WTAP: variants seen among roughly 807,000 people sequenced by gnomAD.
WTAP encodes WT1 associated protein.
Under a neutral mutation model 50.0 loss-of-function variants are expected in WTAP, and 8 were observed. The ratio of observed to expected loss-of-function variants is 0.16; its 90% CI spans 0.09 to 0.29. The LOEUF (loss-of-function observed/expected upper bound fraction) is 0.29. Among genes scored for constraint, WTAP ranks in the 10% least tolerant of loss-of-function variants. The pLI is 1.00. For synonymous variants in WTAP, 194 were observed against 169.0 expected, an observed-to-expected ratio of 1.15 and a Z score of -1.15; for missense variants, 295 against 470.7, an observed-to-expected ratio of 0.63 and a Z score of 3.45.
At chr6:159,735,710 C>G (rs143752329) in intron 1 of WTAP, among the ~76,000 whole-genome samples, 1 of 152,120 alleles carries the variant, frequency 6.6e-6, no homozygotes, top group African/African-American at 2.4e-5. Context: ...GATCGCGCCA[C>G]TGCACTCCAT....
chr6:159,732,092 G>A (rs1778607041), intron 1 of WTAP, among the ~76,000 whole-genome samples: 1 of 152,102 alleles, frequency 6.6e-6, no homozygotes, highest in Non-Finnish European at 1.5e-5. Flanking sequence ...TCTGCCCTTT[G>A]CATACTCAGG....
intron 4 of WTAP, among the ~76,000 whole-genome samples, chr6:159,742,952 G>A (rs975576399): frequency 2.0e-5 from 3 of 152,064 alleles, no homozygotes; most frequent in Admixed American, 6.5e-5. Context: ...GCTGCAGTGA[G>A]CCCTGATTGT....
In WTAP at chr6:159,736,247, T is replaced by C. The variant is rs1422692984; in HGVS notation, c.-8-11T>C. ...TAAATTGAACTTGTTTTCCGCAACT[T>C]TTTTTTTTAGGATTCAAGATGACCA... On this transcript the variant is annotated splice_polypyrimidine_tract_variant and intron_variant, in intron 1 of 7. Coordinates refer to ENST00000621533, the MANE Select transcript of WTAP (RefSeq NM_001270531.2). The C allele has an allele frequency of 1.9e-6, 3 of 1,588,108 alleles. No homozygotes were observed. The highest frequency in any genetic ancestry group is 3.5e-5 in the Admixed American group (2 of 57,780).
intron 3 of WTAP, among the ~76,000 whole-genome samples, chr6:159,741,176 C>G (rs1466651448): frequency 6.6e-6 from 1 of 151,954 alleles, no homozygotes; most frequent in Non-Finnish European, 1.5e-5. Context: ...CCTAATAAGA[C>G]TAGGAAAAAT....
At chr6:159,749,649 G>A (rs1779751754) in intron 6 of WTAP, among the ~76,000 whole-genome samples, 1 of 152,124 alleles carries the variant, frequency 6.6e-6, no homozygotes, top group Admixed American at 6.5e-5. Context: ...CTTTGTCCCA[G>A]GGTATTGCAG....
intron 3 of WTAP, among the ~76,000 whole-genome samples, chr6:159,739,823 CCTTTTTTTTTTTTT>C (rs1779135992): frequency 2.7e-5 from 3 of 109,280 alleles, no homozygotes; most frequent in East Asian, 3.3e-4. Context: ...ACACTTTTTA[CCTTTTTTTTTTTTT>C]TTTTTTTTTT....
intron 5 of WTAP, among the ~76,000 whole-genome samples, chr6:159,744,200 G>A (rs1365931061): frequency 1.3e-5 from 2 of 152,098 alleles, no homozygotes; most frequent in Non-Finnish European, 2.9e-5. Flanking sequence ...TTTTCCTAGT[G>A]TCAGCAACCT....
intron 1 of WTAP, among the ~76,000 whole-genome samples, chr6:159,733,296 T>C (rs895749415): frequency 6.6e-6 from 1 of 152,196 alleles, no homozygotes; most frequent in Admixed American, 6.5e-5. Context: ...GAGGTTTTTA[T>C]CTGTTTGCTG....
At chr6:159,751,384 G>A (rs372335007) in intron 6 of WTAP, among the ~76,000 whole-genome samples, 6 of 152,294 alleles carry the variant, frequency 3.9e-5, no homozygotes, top group South Asian at 2.1e-4. Flanking sequence ...TAGTAAGAAG[G>A]TTAGTTGTAA....
chr6:159,734,938 T>C (rs1192912142), intron 1 of WTAP, among the ~76,000 whole-genome samples: 1 of 152,196 alleles, frequency 6.6e-6, no homozygotes, highest in Non-Finnish European at 1.5e-5. Context: ...TGTAGTTTAA[T>C]GAATAATACC....
intron 1 of WTAP, 33 bp downstream of exon 1, chr6:159,727,736 G>A (rs1427851670): frequency 1.1e-5 from 11 of 985,534 alleles, no homozygotes; most frequent in Non-Finnish European, 1.3e-5. Context: ...GAGCGGACGC[G>A]GGGGACCTCC....
At chr6:159,732,977 T>C (rs1445188485) in intron 1 of WTAP, among the ~76,000 whole-genome samples, 1 of 151,852 alleles carries the variant, frequency 6.6e-6, no homozygotes, top group Non-Finnish European at 1.5e-5. Flanking sequence ...AGATTTGATA[T>C]CTGGGTTCTA....
At chr6:159,734,701 G>A (rs550285573) in intron 1 of WTAP, among the ~76,000 whole-genome samples, 16 of 152,150 alleles carry the variant, frequency 1.1e-4, no homozygotes, top group Non-Finnish European at 2.2e-4. Flanking sequence ...TACTTAATTT[G>A]TATAAGTTAT....
intron 3 of WTAP, chr6:159,741,843 C>T: frequency 3.1e-6 from 1 of 325,766 alleles, no homozygotes; most frequent in Non-Finnish European, 5.6e-6. Context: ...GAGCCATGTG[C>T]CTTTGGTCCC....
At chr6:159,727,380 G>GAGGCGGGAGGCGGA, upstream of WTAP, 3 of 1,125,760 alleles carry the variant, frequency 2.7e-6, 1 homozygote, top group Non-Finnish European at 3.4e-6. Context: ...AGGCTGGCGG[G>GAGGCGGGAGGCGGA]AGGCGGGAGG....
At chr6:159,754,722 A>T (rs960868871) in intron 7 of WTAP, among the ~76,000 whole-genome samples, 3 of 152,196 alleles carry the variant, frequency 2.0e-5, no homozygotes, top group African/African-American at 7.2e-5. Flanking sequence ...GACAAGAAAA[A>T]AAATCTGTAC....
intron 2 of WTAP, among the ~76,000 whole-genome samples, chr6:159,738,028 A>T (rs1028360895): frequency 6.6e-6 from 1 of 152,222 alleles, no homozygotes; most frequent in African/African-American, 2.4e-5. Context: ...GACATCTCTA[A>T]TAACTGTGAA....
intron 6 of WTAP, among the ~76,000 whole-genome samples, chr6:159,753,081 T>C (rs1163371608): frequency 2.0e-5 from 3 of 152,242 alleles, no homozygotes; most frequent in Admixed American, 2.0e-4. Flanking sequence ...TTTCAAGAAC[T>C]TTTCTGATAA....
At chr6:159,736,182 A>G in intron 1 of WTAP, 76 bp from the exon 2 acceptor site, 2 of 1,375,318 alleles carry the variant, frequency 1.5e-6, no homozygotes, top group Non-Finnish European at 2.0e-6. Context: ...TTGATTTGAA[A>G]GAGTCAGTAT....
Sources: allele counts gnomAD v4.1 joint callset (sites outside exome capture counted in the v4.1 genomes callset), GRCh38; gene constraint gnomAD v4.1.1; transcripts MANE v1.5; gene names NCBI Gene and HGNC (gene_info 2026-07-23, HGNC 2026-07-21).